Variants in CTNNA3 observed in about 807,000 individuals in gnomAD.
The protein encoded by CTNNA3 is catenin alpha 3, also known as catenin alpha-3.
A neutral mutation model predicts 95.7 loss-of-function variants in CTNNA3; 76 were observed. The observed-to-expected ratio is 0.79, with a 90% CI of 0.66 to 0.96. The LOEUF (loss-of-function observed/expected upper bound fraction) is 0.96. Among genes scored for constraint, CTNNA3 ranks in the 40% least tolerant of loss-of-function variants. CTNNA3 has a pLI of 0.00. For missense variants in CTNNA3, 1,191 were observed against 1,089.8 expected (o/e 1.09, Z -1.31); for synonymous variants, 431 against 374.4 (o/e 1.15, Z -1.74).
intron 1 of CTNNA3, among the ~76,000 whole-genome samples, chr10:67,718,341 C>T (rs895883249): frequency 3.9e-5 from 6 of 152,116 alleles, no homozygotes; most frequent in Non-Finnish European, 8.8e-5. Context: ...GTCAGAACAC[C>T]CAATACTATG....
At chr10:66,959,916 C>T (rs1849024539) in intron 7 of CTNNA3, among the ~76,000 whole-genome samples, 1 of 152,110 alleles carries the variant, frequency 6.6e-6, no homozygotes, top group South Asian at 2.1e-4. Flanking sequence ...CACATCTATA[C>T]TCCTATGTCT....
intron 13 of CTNNA3, among the ~76,000 whole-genome samples, chr10:66,176,359 T>C (rs1199615354): frequency 2.6e-5 from 4 of 152,064 alleles, no homozygotes; most frequent in Admixed American, 2.6e-4. Flanking sequence ...TGACCTTATG[T>C]ATTTGAAATA....
chr10:66,045,420 T>C (rs2079808815), intron 15 of CTNNA3, among the ~76,000 whole-genome samples: 1 of 152,146 alleles, frequency 6.6e-6, no homozygotes, highest in Non-Finnish European at 1.5e-5. Flanking sequence ...CCCTTAATTG[T>C]CCTTAAAATG....
chr10:66,995,941 TATTAC>T (rs1851306346), intron 7 of CTNNA3, among the ~76,000 whole-genome samples: 1 of 152,224 alleles, frequency 6.6e-6, no homozygotes, highest in South Asian at 2.1e-4. Context: ...TTCAGTGGTT[TATTAC>T]ATTATTGTAT....
intron 5 of CTNNA3, among the ~76,000 whole-genome samples, chr10:67,233,102 T>C (rs908926338): frequency 2.0e-5 from 3 of 152,148 alleles, no homozygotes; most frequent in South Asian, 2.1e-4. Flanking sequence ...GACAGATCAA[T>C]GAGACAGAAA....
chr10:67,219,089 C>CTCTA, intron 6 of CTNNA3, among the ~76,000 whole-genome samples: 1 of 152,326 alleles, frequency 6.6e-6, no homozygotes, highest in East Asian at 1.9e-4. Context: ...CAAGCCTTTG[C>CTCTA]TCTAGATCTT....
chr10:66,853,325 G>A (rs1481404169), intron 7 of CTNNA3, among the ~76,000 whole-genome samples: 1 of 151,978 alleles, frequency 6.6e-6, no homozygotes, highest in Non-Finnish European at 1.5e-5. Flanking sequence ...TATAATTTCT[G>A]AGAAGGAAAT....
At chr10:66,295,466 C>T (rs2091763242) in intron 12 of CTNNA3, among the ~76,000 whole-genome samples, 1 of 152,116 alleles carries the variant, frequency 6.6e-6, no homozygotes, top group Admixed American at 6.5e-5. Flanking sequence ...GAGAAAGTGG[C>T]ACCAGAATTG....
At chr10:67,742,944 T>C (rs1489811181) in intron 1 of CTNNA3, among the ~76,000 whole-genome samples, 1 of 151,234 alleles carries the variant, frequency 6.6e-6, no homozygotes, top group African/African-American at 2.4e-5. Context: ...CTCCCAAGAC[T>C]AAACCAGGAA....
intron 3 of CTNNA3, among the ~76,000 whole-genome samples, chr10:67,584,182 T>C (rs1842532760): frequency 6.6e-6 from 1 of 152,222 alleles, no homozygotes; most frequent in Non-Finnish European, 1.5e-5. Context: ...CTCTGGTTTC[T>C]TCCCATCTTT....
intron 13 of CTNNA3, among the ~76,000 whole-genome samples, chr10:66,170,156 T>G (rs1281423962): frequency 6.6e-6 from 1 of 151,930 alleles, no homozygotes; most frequent in African/African-American, 2.4e-5. Flanking sequence ...AGTTTCAGTC[T>G]TAGATTTAAG....
chr10:66,939,492 A>T (rs1385679536), intron 7 of CTNNA3, among the ~76,000 whole-genome samples: 1 of 152,216 alleles, frequency 6.6e-6, no homozygotes, highest in South Asian at 2.1e-4. Context: ...GGAGGGAAAA[A>T]TTCTATTTGT....
chr10:66,385,677 A>T (rs1254610520), intron 11 of CTNNA3, among the ~76,000 whole-genome samples: 3 of 152,226 alleles, frequency 2.0e-5, no homozygotes, highest in African/African-American at 7.2e-5. Flanking sequence ...ATGAAGATTG[A>T]TGTGAAAATC....
At chr10:67,216,369 C>T (rs2132255604) in intron 6 of CTNNA3, among the ~76,000 whole-genome samples, 1 of 152,198 alleles carries the variant, frequency 6.6e-6, no homozygotes, top group African/African-American at 2.4e-5. Flanking sequence ...TGGTAGTTTC[C>T]ATCACTATAA....
At chr10:66,491,547 G>T (rs1839923180) in intron 11 of CTNNA3, among the ~76,000 whole-genome samples, 2 of 152,028 alleles carry the variant, frequency 1.3e-5, no homozygotes, top group South Asian at 4.2e-4. Context: ...CTACATATTT[G>T]CCCATGAGAA....
chr10:66,015,800 CA>C (rs2079084065), intron 15 of CTNNA3, among the ~76,000 whole-genome samples: 1 of 152,154 alleles, frequency 6.6e-6, no homozygotes, highest in Non-Finnish European at 1.5e-5. Flanking sequence ...ATACTTAACA[CA>C]TATAACACAC....
intron 14 of CTNNA3, among the ~76,000 whole-genome samples, chr10:66,094,918 G>C (rs978501319): frequency 6.6e-6 from 1 of 152,118 alleles, no homozygotes; most frequent in Admixed American, 6.6e-5. Flanking sequence ...ATTAGCTATG[G>C]GAAGACTCAA....
At chr10:67,468,845 T>C (rs1431412641) in intron 5 of CTNNA3, among the ~76,000 whole-genome samples, 2 of 152,178 alleles carry the variant, frequency 1.3e-5, no homozygotes, top group Admixed American at 1.3e-4. Context: ...AAATTTTTTA[T>C]TGTGAATACC....
At chr10:67,581,292 C>T (rs1564758542) in intron 3 of CTNNA3, among the ~76,000 whole-genome samples, 1 of 152,088 alleles carries the variant, frequency 6.6e-6, no homozygotes, top group Non-Finnish European at 1.5e-5. Context: ...TTGTGAAAGG[C>T]CTTTTCTGCA....
Sources: gnomAD v4.1 joint callset for allele counts (sites outside exome capture counted in the v4.1 genomes callset) on GRCh38, gnomAD v4.1.1 for gene constraint, MANE v1.5 for transcripts, NCBI Gene and HGNC (gene_info 2026-07-23, HGNC 2026-07-21) for gene names.